EVPL: variants seen among roughly 807,000 people sequenced by gnomAD.
EVPL encodes the protein 210 kDa cornified envelope precursor protein.
A neutral mutation model predicts 129.7 loss-of-function variants in EVPL; 94 were observed. The observed-to-expected ratio is 0.72, with a 90% CI of 0.61 to 0.86. The LOEUF (loss-of-function observed/expected upper bound fraction) is 0.86, where lower values mean the gene tolerates loss of function less well. Among genes scored for constraint, EVPL ranks in the 40% least tolerant of loss-of-function variants. The pLI is 0.00. For missense variants in EVPL, 2,625 were observed against 2,721.1 expected (o/e 0.96, Z 0.79); for synonymous variants, 1,172 against 1,191.1 (o/e 0.98, Z 0.33).
In EVPL at chr17:76,008,440, C is replaced by G. The variant is rs781208062; in HGVS notation, c.4765G>C (p.Asp1589His). ...SELQRARDQA[D>H]QECGRLQQEL... The stretch of plus-strand genomic sequence containing the variant: ...TGCTGCAGCCGCCCACACTCCTGGT[C>G]GGCCTGGTCCCGGGCCCTCTGCAGC... The change falls in exon 22 of 22, where the codon GAC becomes CAC. Residue 1589 changes from aspartate to histidine, a missense_variant. Physicochemically the swap from Asp to His is moderately conservative, Grantham distance 81 (BLOSUM62 -1). Coordinates refer to ENST00000301607, the MANE Select transcript of EVPL (RefSeq NM_001988.4). This position sits in a 1 kb window ranked among gnomAD's most constrained non-coding sequence, Gnocchi z 7.4. The G allele has an allele frequency of 2.5e-6, 4 of 1,591,570 alleles. No individual in the cohort carries two copies. The highest frequency in any genetic ancestry group is 1.7e-4 in the Middle Eastern group (1 of 6,056).
rs755812233 is a variant in EVPL at position 76,015,291 on chromosome 17, A to T, written c.1964T>A (p.Leu655Gln). The T allele has an allele frequency of 6.2e-7, 1 of 1,602,690 alleles. No individual in the cohort carries two copies. Among genetic ancestry groups the T allele is most frequent in the South Asian group, 1.1e-5 (1 of 90,526 alleles). The change falls in exon 16 of 22, where the codon CTG (leucine) becomes CAG (glutamine). Residue 655 changes from leucine (L) to glutamine (Q), a missense_variant. Around this residue, in one of 4 missense-constraint regions of EVPL, gnomAD observed 1,024 missense variants for 997.5 expected, o/e 1.03. Transcript: ENST00000301607. ...DRVIRGFEAT[L>Q]VQEAPIPAEP... Reference sequence around the variant, plus strand: ...AGCAGGGATGGGGGCCTCCTGCACCAGGGTGGCCTCGAAGCCTCGGATGAC... The same window carrying T: ...AGCAGGGATGGGGGCCTCCTGCACCTGGGTGGCCTCGAAGCCTCGGATGAC...
rs760413260 is a variant in EVPL at position 76,007,697 on chromosome 17, G to T, written c.5508C>A (p.Asp1836Glu). The T allele has an allele frequency of 3.1e-6, 5 of 1,613,664 alleles. No homozygotes were observed. Among genetic ancestry groups the T allele is most frequent in the Middle Eastern group, 1.6e-4 (1 of 6,062 alleles). The stretch of plus-strand genomic sequence containing the variant: ...CGGCCGTCTTGATGCTGCACTTGTT[G>T]TCTGTGGTTGTGTCATAGATCCCGG... ...PIAGIYDTTT[D>E]NKCSIKTAVA... The change falls in exon 22 of 22, where the codon GAC becomes GAA. Residue 1836 changes from aspartate (D) to glutamate (E), a missense_variant. By Grantham distance (45) the Asp-to-Glu change is conservative. Transcript: ENST00000301607. The surrounding 1 kb of genome is among the most constrained non-coding windows in gnomAD (Gnocchi z 8.8).
rs933535437 is a variant in EVPL, at chr17:76,024,512, G to T, written c.99-392C>A. 6.6e-6 allele frequency among the ~76,000 whole-genome samples: 1 copy of T among 152,132 alleles called. No homozygotes were observed. The highest frequency in any genetic ancestry group is 1.5e-5 in the Non-Finnish European group (1 of 68,010). On this transcript the variant is annotated intron_variant, in intron 1 of 21. Transcript: ENST00000301607. The surrounding 1 kb of genome is among the most constrained non-coding windows in gnomAD (Gnocchi z 4.5). ...AGCCAGCCTGGCTGGGCCCTGGGAG[G>T]GGTAGTTGGGCTGGCTGGGGCAGGG...
chr17:76,020,155 A>C (rs959387541), intron 9 of EVPL, among the ~76,000 whole-genome samples: 2 of 148,698 alleles, frequency 1.3e-5, no homozygotes, highest in Non-Finnish European at 3.0e-5. Flanking sequence ...CACAAACCAG[A>C]TAAACTTAAA....
At chr17:76,015,135 G>A (rs1379215872) in intron 16 of EVPL, 26 bp from the exon 17 acceptor site, 9 of 1,566,858 alleles carry the variant, frequency 5.7e-6, no homozygotes, top group African/African-American at 2.7e-5. Flanking sequence ...ACGCAGCCGT[G>A]CACCCTCGTG....
chr17:76,023,269 G>C (rs377203162), intron 4 of EVPL, 23 bp downstream of exon 4: 1 of 1,613,356 alleles, frequency 6.2e-7, no homozygotes, highest in Middle Eastern at 1.7e-4. Flanking sequence ...GATCACACTG[G>C]GGTGTGACTT....
chr17:76,014,720 C>T, intron 17 of EVPL, 144 bp from the exon 18 acceptor site: 1 of 1,250,896 alleles, frequency 8.0e-7, no homozygotes, highest in South Asian at 1.4e-5. Context: ...CACTCCCTGA[C>T]CCTGGGAATT....
chr17:76,010,579 C>A (rs140024580), intron 21 of EVPL, 36 bp from the exon 22 acceptor site: 2 of 1,565,658 alleles, frequency 1.3e-6, no homozygotes, highest in African/African-American at 1.4e-5. Context: ...ACGGGGTGGG[C>A]GGTAGAGATA....
At position 76,017,817 on chromosome 17, in the gene EVPL, C is replaced by A. The variant is rs756543720; in HGVS notation, c.1632G>T (p.Gln544His). 7.1e-5 allele frequency: 115 copies of A among 1,613,730 alleles called. 1 individual carries two copies. Among genetic ancestry groups the A allele is most frequent in the Non-Finnish European group, 4.2e-6 (5 of 1,180,034 alleles). The change falls in exon 14 of 22, where the codon CAG (glutamine) becomes CAT (histidine). Residue 544 changes from glutamine to histidine, a missense_variant. Physicochemically the swap from Gln to His is conservative, Grantham distance 24. Coordinates refer to ENST00000301607, the MANE Select transcript of EVPL (RefSeq NM_001988.4). Reference sequence around the variant, plus strand: ...GCGGGGCCCGCGCCCAGGCCAGCACCTGCCTCTCTATCTGTCCCAGGTCTC... The same window carrying A: ...GCGGGGCCCGCGCCCAGGCCAGCACATGCCTCTCTATCTGTCCCAGGTCTC... ...LDGDLGQIER[Q>H]VLAWARAPLS...
Position 76,009,036 on chromosome 17 carries a change from C to A in EVPL, c.4169G>T (p.Arg1390Leu). Reference protein sequence around the residue: ...KDPKLREEHSRLSGSLDEEVG... With the variant: ...KDPKLREEHSLLSGSLDEEVG... ...CTCCTCATCCAGGCTCCCGCTCAGC[C>A]GGCTGTGCTCCTCGCGCAGCTTCGG... The change falls in exon 22 of 22, where the codon CGG becomes CTG. Residue 1390 changes from arginine (R) to leucine (L), a missense_variant. By Grantham distance (102) the Arg-to-Leu change is moderately radical. Coordinates refer to ENST00000301607, the MANE Select transcript of EVPL (RefSeq NM_001988.4). This position sits in a 1 kb window ranked among gnomAD's most constrained non-coding sequence, Gnocchi z 5.9. 1 of 1,613,444 alleles carries A rather than the reference C, an allele frequency of 6.2e-7. No individual in the cohort carries two copies. Among genetic ancestry groups the A allele is most frequent in the Non-Finnish European group, 8.5e-7 (1 of 1,179,876 alleles).
At position 76,014,455 on chromosome 17, in the gene EVPL, G is replaced by C. The variant is rs762409040; in HGVS notation, c.2344C>G (p.Gln782Glu). The C allele has an allele frequency of 6.2e-7, 1 of 1,611,638 alleles. No individual in the cohort carries two copies. Among genetic ancestry groups the C allele is most frequent in the East Asian group, 2.2e-5 (1 of 44,852 alleles). Residue 782 changes from glutamine to glutamate, a missense_variant, in exon 18 of 22, where the codon CAG (glutamine) becomes GAG (glutamate). This residue lies in a region of EVPL where 1,024 missense variants were observed against 997.5 expected (regional missense o/e 1.03). Transcript: ENST00000301607. ...TGCGCCTGCAGCTTGTAGGCGATCT[G>C]GCTGGGGCCGTCGCTGGGCCGCACC... ...SQVRPSDGPS[Q>E]IAYKLQAQKR...
chr17:76,024,520 G>A lies in EVPL; in HGVS notation c.99-400C>T, dbSNP rs2066485946. On this transcript the variant is annotated intron_variant, in intron 1 of 21. Coordinates refer to ENST00000301607, the MANE Select transcript of EVPL (RefSeq NM_001988.4). The surrounding 1 kb of genome is among the most constrained non-coding windows in gnomAD (Gnocchi z 4.5). ...TGGCTGGGCCCTGGGAGGGGTAGTT[G>A]GGCTGGCTGGGGCAGGGAGGCAGCA... 6.6e-6 allele frequency among the ~76,000 whole-genome samples: 1 copy of A among 152,106 alleles called. No homozygotes were observed. The highest frequency in any genetic ancestry group is 1.5e-5 in the Non-Finnish European group (1 of 67,992).
Position 76,010,019 on chromosome 17 carries a change from G to C in EVPL, c.3186C>G (p.Ala1062=). The change falls in exon 22 of 22, where the codon GCC becomes GCG. Residue 1062 remains alanine, a synonymous_variant. Coordinates refer to ENST00000301607, the MANE Select transcript of EVPL (RefSeq NM_001988.4). ...RLEGLKKELL[A]LEKREVDVKE... ...TCACGTCCACCTCCCTCTTCTCAAGGGCCAGTAGCTCCTTCTTCAGCCCTT... is the reference window on the plus strand; with the variant it reads ...TCACGTCCACCTCCCTCTTCTCAAGCGCCAGTAGCTCCTTCTTCAGCCCTT... 1 of 1,613,180 alleles carries C rather than the reference G, an allele frequency of 6.2e-7. No individual in the cohort carries two copies. The highest frequency in any genetic ancestry group is 1.3e-5 in the African/African-American group (1 of 75,036).
rs762044537 is a variant in EVPL, at chr17:76,009,080, C to T, written c.4125G>A (p.Val1375=). ...KPEEKVVVQE[V]VVTQKDPKLR... is the part of the protein sequence containing the mutation. ...GCTTCGGGTCCTTCTGGGTGACCAC[C>T]ACCTCCTGCACCACCACCTTCTCCT... Residue 1375 remains valine (V), a synonymous_variant, in exon 22 of 22, where the codon GTG becomes GTA. Coordinates refer to ENST00000301607, the MANE Select transcript of EVPL (RefSeq NM_001988.4). This position sits in a 1 kb window ranked among gnomAD's most constrained non-coding sequence, Gnocchi z 5.9. The T allele has an allele frequency of 6.2e-7, 1 of 1,613,458 alleles. No homozygotes were observed. The highest frequency in any genetic ancestry group is 8.5e-7 in the Non-Finnish European group (1 of 1,179,600).
Position 76,021,708 on chromosome 17 carries a change from A to G in EVPL, c.881T>C (p.Val294Ala), listed in dbSNP as rs750343688. Reference sequence around the variant, plus strand: ...CCCCACCGCGGGGTGCCGCAGCTCCACCATGCGCTCGCCGTCGTCCTCCAG... The same window carrying G: ...CCCCACCGCGGGGTGCCGCAGCTCCGCCATGCGCTCGCCGTCGTCCTCCAG... ...NQLEDDGERM[V>A]ELRHPAVGPI... The change falls in exon 8 of 22, where the codon GTG (valine) becomes GCG (alanine). Residue 294 changes from valine to alanine, a missense_variant. Physicochemically the swap from Val to Ala is moderately conservative, Grantham distance 64. Around this residue, in one of 4 missense-constraint regions of EVPL, gnomAD observed 1,024 missense variants for 997.5 expected, o/e 1.03. Transcript: ENST00000301607. 1.4e-5 allele frequency: 22 copies of G among 1,605,674 alleles called. No homozygotes were observed. Among genetic ancestry groups the G allele is most frequent in the Non-Finnish European group, 1.8e-5 (21 of 1,177,558 alleles).
In EVPL at chr17:76,024,366, C is replaced by CTG. The variant is rs879519875; in HGVS notation, c.99-247_99-246insCA. On this transcript the variant is annotated intron_variant, in intron 1 of 21. Coordinates refer to ENST00000301607, the MANE Select transcript of EVPL (RefSeq NM_001988.4). The surrounding 1 kb of genome is among the most constrained non-coding windows in gnomAD (Gnocchi z 4.5). The stretch of plus-strand genomic sequence containing the variant: ...GGTTTGTGTGGTGCTGGGGAGGGGG[C>CTG]AGGCGGCCTCGGTGTCCCAGCCTTA... Among the ~76,000 whole-genome samples the CTG allele has an allele frequency of 0.018, 2,697 of 152,266 alleles. 39 individuals carry two copies. The highest frequency in any genetic ancestry group is 0.029 in the Non-Finnish European group (1,960 of 68,008).
At position 76,007,118 on chromosome 17, in the gene EVPL, CG is replaced by C; in HGVS notation, c.6086del (p.Pro2029ArgfsTer50). 6.7e-7 allele frequency: 1 copy of C among 1,483,680 alleles called. No homozygotes were observed. Among genetic ancestry groups the C allele is most frequent in the Non-Finnish European group, 9.0e-7 (1 of 1,117,080 alleles). The allele number at this position is 1,483,680 out of a possible 1,614,324, so 91.9% of individuals were successfully genotyped here. Reference sequence around the variant, plus strand: ...TTGGCCCGTGTCAGCGAAGGGAGCGCGGGACGGTGGGGGAGGCGGAGCGGTA... The same window carrying C: ...TTGGCCCGTGTCAGCGAAGGGAGCGCGGACGGTGGGGGAGGCGGAGCGGTA... ...RCYRSASPTV[P>X]RSLR On this transcript the variant is annotated frameshift_variant, in exon 22 of 22. Transcript: ENST00000301607. LOFTEE classifies it high-confidence loss of function. This position sits in a 1 kb window ranked among gnomAD's most constrained non-coding sequence, Gnocchi z 8.8.
In EVPL at chr17:76,008,904, G is replaced by A; in HGVS notation, c.4301C>T (p.Ala1434Val). The change falls in exon 22 of 22, where the codon GCC becomes GTC. Residue 1434 changes from alanine (A) to valine (V), a missense_variant. Coordinates refer to ENST00000301607, the MANE Select transcript of EVPL (RefSeq NM_001988.4). The surrounding 1 kb of genome is among the most constrained non-coding windows in gnomAD (Gnocchi z 7.4). ...SFQEDRSKKL[A>V]VERELRQLTL... The stretch of plus-strand genomic sequence containing the variant: ...CAGCTGCCGCAGCTCCCTCTCCACG[G>A]CCAGCTTCTTGCTGCGGTCCTCCTG... 1 of 1,613,454 alleles carries A rather than the reference G, an allele frequency of 6.2e-7. No individual in the cohort carries two copies. The highest frequency in any genetic ancestry group is 8.5e-7 in the Non-Finnish European group (1 of 1,179,998).
Position 76,015,480 on chromosome 17 carries a change from A to C in EVPL, c.1859T>G (p.Val620Gly). ...LNSVKNKFSDVQVLCSLYGEK... is the reference protein window; with the variant it reads ...LNSVKNKFSDGQVLCSLYGEK... Reference sequence around the variant, plus strand: ...CCCGTAGAGGCTGCACAGAACCTGCACGTCACTGAACTTGTTCTTCACGCT... The same window carrying C: ...CCCGTAGAGGCTGCACAGAACCTGCCCGTCACTGAACTTGTTCTTCACGCT... Residue 620 changes from valine to glycine, a missense_variant, in exon 15 of 22, where the codon GTG becomes GGG. This residue lies in a region of EVPL where 1,024 missense variants were observed against 997.5 expected (regional missense o/e 1.03). Transcript: ENST00000301607. The C allele has an allele frequency of 6.2e-7, 1 of 1,613,292 alleles. No homozygotes were observed. The highest frequency in any genetic ancestry group is 8.5e-7 in the Non-Finnish European group (1 of 1,179,992).
Sources: allele counts gnomAD v4.1 joint callset (sites outside exome capture counted in the v4.1 genomes callset), GRCh38; gene constraint gnomAD v4.1.1; regional missense constraint gnomAD v4.1.1; non-coding constraint Gnocchi (gnomAD v3.1); transcripts MANE v1.5; gene names NCBI Gene and HGNC (gene_info 2026-07-23, HGNC 2026-07-21).